Variants in COX10 observed in about 807,000 individuals in gnomAD.
COX10 encodes the protein cytochrome c oxidase assembly factor heme A:farnesyltransferase COX10, also known as protoheme IX farnesyltransferase, mitochondrial.
Under a neutral mutation model 37.3 loss-of-function variants are expected in COX10, and 27 were observed. That is an observed-to-expected ratio of 0.72 (90% CI 0.53 to 1.00). The LOEUF (loss-of-function observed/expected upper bound fraction) is 1.00. Ranked by LOEUF, COX10 falls within the 50% of genes least tolerant of loss-of-function variation. COX10 has a pLI of 0.00. For synonymous variants in COX10, 222 were observed against 229.1 expected (o/e 0.97, Z 0.28); for missense variants, 475 against 563.2 (o/e 0.84, Z 1.59).
chr17:14,154,260 T>C (rs1023503003), intron 4 of COX10, among the ~76,000 whole-genome samples: 1 of 152,194 alleles, frequency 6.6e-6, no homozygotes, highest in Non-Finnish European at 1.5e-5. Flanking sequence ...ATAGTTTAAC[T>C]ATGTGTAGGT....
At chr17:14,082,899 T>G (rs1448311529) in intron 3 of COX10, among the ~76,000 whole-genome samples, 2 of 152,166 alleles carry the variant, frequency 1.3e-5, no homozygotes, top group Non-Finnish European at 2.9e-5. Context: ...ATGCAGGTGG[T>G]CCTAGACCAC....
chr17:14,186,849 T>G (rs1017015266), intron 5 of COX10, among the ~76,000 whole-genome samples: 1 of 152,098 alleles, frequency 6.6e-6, no homozygotes, highest in Non-Finnish European at 1.5e-5. Context: ...GTTGGGAGAC[T>G]CTGGGTTAAA....
intron 4 of COX10, among the ~76,000 whole-genome samples, chr17:14,157,030 T>G (rs1409693677): frequency 2.0e-5 from 3 of 152,172 alleles, no homozygotes; most frequent in Non-Finnish European, 4.4e-5. Flanking sequence ...GGCAAATGAG[T>G]GTAGCTGAAT....
At chr17:14,200,437 C>G (rs1267049902) in intron 6 of COX10, among the ~76,000 whole-genome samples, 3 of 152,194 alleles carry the variant, frequency 2.0e-5, no homozygotes, top group Non-Finnish European at 2.9e-5. Flanking sequence ...ATGAGCCTTG[C>G]CCCACCTAAT....
chr17:14,172,660 C>T (rs1905515919), intron 5 of COX10, among the ~76,000 whole-genome samples: 1 of 149,902 alleles, frequency 6.7e-6, no homozygotes, highest in Admixed American at 6.7e-5. Context: ...GCTCACTGCA[C>T]CCTTAACCTC....
intron 4 of COX10, among the ~76,000 whole-genome samples, chr17:14,109,371 C>A (rs115122484): frequency 0.011 from 1,603 of 152,244 alleles, 32 homozygotes; most frequent in African/African-American, 0.036. Context: ...CAGAATGATC[C>A]ATCTCAGTGG....
In COX10 at chr17:14,147,485, G is replaced by A. The variant is rs2323092; in HGVS notation, c.625-12392G>A. Among the ~76,000 whole-genome samples, 40 of 151,958 alleles carry A rather than the reference G, an allele frequency of 2.6e-4. No individual in the cohort carries two copies. In the East Asian group the frequency reaches 6.2e-3, roughly 24 times the overall value. ...CCATGGAGATAGAGAGTAGAAGGAC[G>A]GTTACCAGAGGCTGGGAAGGGTAGT... On this transcript the variant is annotated intron_variant, in intron 4 of 6. Coordinates refer to ENST00000261643, the MANE Select transcript of COX10 (RefSeq NM_001303.4).
chr17:14,080,282 G>C (rs1228075199), intron 3 of COX10, among the ~76,000 whole-genome samples: 1 of 141,012 alleles, frequency 7.1e-6, no homozygotes, highest in East Asian at 2.1e-4. Context: ...GGAGTCCAGT[G>C]GCGAGATCTC....
chr17:14,135,283 T>G (rs1220410785), intron 4 of COX10, among the ~76,000 whole-genome samples: 1 of 151,922 alleles, frequency 6.6e-6, no homozygotes, highest in African/African-American at 2.4e-5. Context: ...TTGAATAATT[T>G]TGGTAACCAA....
At chr17:14,146,701 C>A (rs1259290057) in intron 4 of COX10, among the ~76,000 whole-genome samples, 3 of 152,144 alleles carry the variant, frequency 2.0e-5, no homozygotes, top group Admixed American at 2.0e-4. Context: ...AGTGAAGAGA[C>A]AACCCACAGA....
In COX10 at chr17:14,207,035, C is replaced by G. The variant is rs369663884; in HGVS notation, c.1154C>G (p.Ala385Gly). 1.9e-6 allele frequency: 3 copies of G among 1,613,958 alleles called. No individual in the cohort carries two copies. In the African/African-American group the frequency reaches 4.0e-5, roughly 22 times the overall value. Reference protein sequence around the residue: ...DITTWTFPIMALPINAYISYL... With the variant: ...DITTWTFPIMGLPINAYISYL... ...ACCACATGGACCTTCCCCATCATGG[C>G]CCTTCCCATCAATGCGTACATCTCC... The change falls in exon 7 of 7, where the codon GCC becomes GGC. Residue 385 changes from alanine to glycine, a missense_variant. By Grantham distance (60) the Ala-to-Gly change is moderately conservative. Coordinates refer to ENST00000261643, the MANE Select transcript of COX10 (RefSeq NM_001303.4).
At chr17:14,136,278 T>G (rs1342044668) in intron 4 of COX10, among the ~76,000 whole-genome samples, 1 of 152,050 alleles carries the variant, frequency 6.6e-6, no homozygotes, top group East Asian at 1.9e-4. Flanking sequence ...ATTACTTCAT[T>G]AATCTAGAAA....
chr17:14,101,860 G>T (rs1180845006), intron 3 of COX10, among the ~76,000 whole-genome samples: 1 of 152,218 alleles, frequency 6.6e-6, no homozygotes, highest in African/African-American at 2.4e-5. Flanking sequence ...GTGAATGATT[G>T]AATCTGGAAG....
Position 14,207,507 on chromosome 17 carries a change from T to C in COX10, c.*294T>C, listed in dbSNP as rs750646095. The C allele has an allele frequency of 5.5e-4, 213 of 390,326 alleles. No homozygotes were observed. Among genetic ancestry groups the C allele is most frequent in the Admixed American group, 8.7e-4 (21 of 24,220 alleles). The allele number at this position is 390,326 out of a possible 1,614,324, so 24.2% of individuals were successfully genotyped here. A position where few individuals can be genotyped will look rare whatever the true frequency, so the allele number is the denominator to read the frequency against. ...TCTATTCTGTTTCTTCCTCCTCACA[T>C]GGGGGTACACATACACAGCTTCCTC... On this transcript the variant is annotated 3_prime_UTR_variant, in exon 7 of 7. Transcript: ENST00000261643.
chr17:14,116,058 A>G (rs989964785), intron 4 of COX10, among the ~76,000 whole-genome samples: 1 of 152,202 alleles, frequency 6.6e-6, no homozygotes, highest in Non-Finnish European at 1.5e-5. Context: ...AAATTAAGCT[A>G]AAGTTAATGG....
intron 3 of COX10, among the ~76,000 whole-genome samples, chr17:14,082,729 A>G (rs1002676721): frequency 1.6e-4 from 24 of 152,194 alleles, no homozygotes; most frequent in Non-Finnish European, 2.9e-5. Flanking sequence ...TATAGTGTAC[A>G]TGAACTCATT....
intron 4 of COX10, among the ~76,000 whole-genome samples, chr17:14,112,824 G>A (rs896043226): frequency 2.6e-5 from 4 of 152,134 alleles, no homozygotes; most frequent in Non-Finnish European, 5.9e-5. Context: ...GACCATTTGG[G>A]GAACTACAAA....
chr17:14,112,029 T>TA (rs780389850), intron 4 of COX10, among the ~76,000 whole-genome samples: 78 of 152,150 alleles, frequency 5.1e-4, no homozygotes, highest in Admixed American at 1.5e-3. Context: ...GATTTTCACT[T>TA]ACTCTGATTG....
intron 3 of COX10, among the ~76,000 whole-genome samples, chr17:14,081,276 T>C (rs35603572): frequency 0.047 from 7,125 of 152,154 alleles, 213 homozygotes; most frequent in East Asian, 0.077. Context: ...ATAGTGGTGG[T>C]CAACTGAGAA....
Sources: allele counts gnomAD v4.1 joint callset (sites outside exome capture counted in the v4.1 genomes callset), GRCh38; gene constraint gnomAD v4.1.1; transcripts MANE v1.5; gene names NCBI Gene and HGNC (gene_info 2026-07-23, HGNC 2026-07-21).